The following PINK1 variants were observed in gnomAD, a reference collection of about 807,000 sequenced individuals.
The protein encoded by PINK1 is serine/threonine-protein kinase PINK1, mitochondrial.
In PINK1, 58 loss-of-function variants were observed where a neutral mutation model predicts 56.0. The ratio of observed to expected loss-of-function variants is 1.04; its 90% confidence interval spans 0.84 to 1.29. The LOEUF (loss-of-function observed/expected upper bound fraction) is 1.29. PINK1 is among the 50% of genes most tolerant of loss of function. The pLI, the probability that PINK1 is intolerant of heterozygous loss-of-function variation, is 0.00. For synonymous variants in PINK1, 354 were observed against 339.3 expected (o/e 1.04, Z -0.48); for missense variants, 745 against 777.9 (o/e 0.96, Z 0.50).
At position 20,633,940 on chromosome 1, in the gene PINK1, G is replaced by A; in HGVS notation, c.387+5G>A. ...TCGGCCTGTCAGGAGATCCAGGTGA[G>A]CGGGGCCGGGTCCTAAGCCGAGCGG... On this transcript the variant is annotated splice_donor_5th_base_variant and intron_variant, in intron 1 of 7. Coordinates refer to ENST00000321556, the MANE Select transcript of PINK1 (RefSeq NM_032409.3). 1 of 1,583,032 alleles carries A rather than the reference G, an allele frequency of 6.3e-7. No individual in the cohort carries two copies. The highest frequency in any genetic ancestry group is 1.1e-5 in the South Asian group (1 of 87,398).
At position 20,634,361 on chromosome 1, in the gene PINK1, G is replaced by C. The variant is rs1203620476; in HGVS notation, c.387+426G>C. On this transcript the variant is annotated intron_variant, in intron 1 of 7. Coordinates refer to ENST00000321556, the MANE Select transcript of PINK1 (RefSeq NM_032409.3). Reference sequence around the variant, plus strand: ...AAAATGCAGTGCCCTTAACCACTGAGCCAGGCTGCCTCCGCCGTTTAACCA... The same window carrying C: ...AAAATGCAGTGCCCTTAACCACTGACCCAGGCTGCCTCCGCCGTTTAACCA... 1.3e-4 allele frequency among the ~76,000 whole-genome samples: 20 copies of C among 152,210 alleles called. 1 individual carries two copies. The highest frequency in any genetic ancestry group is 1.5e-5 in the Non-Finnish European group (1 of 68,038).
At chr1:20,645,980 G>C (rs890917970) in intron 5 of PINK1, among the ~76,000 whole-genome samples, 7 of 152,032 alleles carry the variant, frequency 4.6e-5, no homozygotes, top group African/African-American at 1.7e-4. Flanking sequence ...AGTTTTCCTA[G>C]GTAAATAAAG....
Position 20,633,615 on chromosome 1 carries a change from G to A in PINK1, c.67G>A (p.Gly23Ser), listed in dbSNP as rs551542832. 306 of 1,290,110 alleles carry A rather than the reference G, an allele frequency of 2.4e-4. 1 individual carries two copies. In the African/African-American group the frequency reaches 4.2e-3, roughly 18 times the overall value. The allele number at this position is 1,290,110 out of a possible 1,614,324, so 79.9% of individuals were successfully genotyped here. Residue 23 changes from glycine to serine, a missense_variant, in exon 1 of 8, where the codon GGC becomes AGC. Gly to Ser is a moderately conservative substitution (Grantham distance 56, BLOSUM62 0). Coordinates refer to ENST00000321556, the MANE Select transcript of PINK1 (RefSeq NM_032409.3). ...LGRALLLRFT[G>S]KPGRAYGLGR... is the part of the protein sequence containing the mutation. ...TCGAGCGCTGCTGCTGCGCTTCACG[G>A]GCAAGCCCGGCCGGGCCTACGGCTT...
intron 3 of PINK1, 61 bp from the exon 4 acceptor site, chr1:20,644,429 A>C: frequency 6.5e-7 from 1 of 1,547,214 alleles, no homozygotes; most frequent in Non-Finnish European, 8.9e-7. Flanking sequence ...GCCTTAGGTT[A>C]TTCTTTCCAG....
rs1044472335 is a variant in PINK1 at position 20,639,685 on chromosome 1, T to A, written c.676-207T>A. On this transcript the variant is annotated intron_variant, in intron 2 of 7. Transcript: ENST00000321556. ...GCAAGAGTTTGAGGAGTGTGAAGAA[T>A]CCTCTGAGTTGGCATGGATGGTACC... 3.3e-5 allele frequency: 21 copies of A among 638,774 alleles called. No individual in the cohort carries two copies. In the African/African-American group the frequency reaches 3.6e-4, roughly 11 times the overall value. 39.6% of individuals were successfully genotyped at this position (638,774 alleles called of 1,614,324 possible). A position where few individuals can be genotyped will look rare whatever the true frequency, so the allele number is the denominator to read the frequency against.
In PINK1 at chr1:20,633,477, T is replaced by C. The variant is rs1305189474; in HGVS notation, c.-72T>C. 18 of 1,068,998 alleles carry C rather than the reference T, an allele frequency of 1.7e-5. No homozygotes were observed. The highest frequency in any genetic ancestry group is 6.4e-5 in the East Asian group (1 of 15,688). The allele number at this position is 1,068,998 out of a possible 1,614,324, so 66.2% of individuals were successfully genotyped here. On this transcript the variant is annotated 5_prime_UTR_variant, in exon 1 of 8. Coordinates refer to ENST00000321556, the MANE Select transcript of PINK1 (RefSeq NM_032409.3). Reference sequence around the variant, plus strand: ...CTGCGCAGAGGCACCGCCCCAAGTTTGTTGTGACCGGCGGGGGACGCCGGT... The same window carrying C: ...CTGCGCAGAGGCACCGCCCCAAGTTCGTTGTGACCGGCGGGGGACGCCGGT...
chr1:20,641,262 G>C lies in PINK1; in HGVS notation c.776+1270G>C, dbSNP rs2053113202. Among the ~76,000 whole-genome samples the C allele has an allele frequency of 6.6e-6, 1 of 152,160 alleles. No individual in the cohort carries two copies. Among genetic ancestry groups the C allele is most frequent in the Non-Finnish European group, 1.5e-5 (1 of 68,024 alleles). On this transcript the variant is annotated intron_variant, in intron 3 of 7. Coordinates refer to ENST00000321556, the MANE Select transcript of PINK1 (RefSeq NM_032409.3). The surrounding 1 kb of genome is among the most constrained non-coding windows in gnomAD (Gnocchi z 4.0). ...TGCTCAAGTGGCTGCTGCTTCTCCT[G>C]AGGCCTTTTTGGAGAAAGTGGACAC... is the stretch of plus-strand genomic sequence containing the variant.
At chr1:20,650,196 G>A in intron 7 of PINK1, 1 of 589,828 alleles carries the variant, frequency 1.7e-6, no homozygotes, top group African/African-American at 1.9e-5. Flanking sequence ...CCACCCAGGG[G>A]GAAAGGCTAT....
Position 20,650,927 on chromosome 1 carries a change from G to T in PINK1, c.*236G>T. 1.7e-6 allele frequency: 1 copy of T among 576,374 alleles called. No homozygotes were observed. Among genetic ancestry groups the T allele is most frequent in the Non-Finnish European group, 3.1e-6 (1 of 323,976 alleles). The allele number at this position is 576,374 out of a possible 1,614,324, so 35.7% of individuals were successfully genotyped here. A position where few individuals can be genotyped will look rare whatever the true frequency, so the allele number is the denominator to read the frequency against. ...CAAGCTGGTCTAGTAGATGAGGCTG[G>T]ACTGAGGAGGGGTAGGCCTGCATCC... On this transcript the variant is annotated 3_prime_UTR_variant, in exon 8 of 8. Coordinates refer to ENST00000321556, the MANE Select transcript of PINK1 (RefSeq NM_032409.3).
intron 4 of PINK1, 96 bp downstream of exon 4, chr1:20,644,768 G>C (rs2053157901): frequency 6.8e-7 from 1 of 1,469,014 alleles, no homozygotes; most frequent in East Asian, 2.4e-5. Flanking sequence ...GGGGGTTTTG[G>C]AGAACAGGGT....
chr1:20,636,540 C>T (rs997803897), intron 1 of PINK1, among the ~76,000 whole-genome samples: 6 of 152,106 alleles, frequency 3.9e-5, no homozygotes, highest in African/African-American at 1.4e-4. Context: ...GACGGGGTTT[C>T]ACTATGTTGG....
At chr1:20,647,053 A>ATTTTTTTTTTT (rs71585775) in intron 5 of PINK1, among the ~76,000 whole-genome samples, 6 of 91,434 alleles carry the variant, frequency 6.6e-5, no homozygotes, top group African/African-American at 8.5e-5. Flanking sequence ...CTAATTTTTG[A>ATTTTTTTTTTT]TTTTTTTTTT....
intron 1 of PINK1, among the ~76,000 whole-genome samples, chr1:20,636,877 A>G (rs960931416): frequency 7.2e-5 from 11 of 152,180 alleles, no homozygotes; most frequent in Non-Finnish European, 1.5e-4. Context: ...TTTCAGAGGG[A>G]GGCGTCCAAA....
rs1247061281 is a variant in PINK1 at position 20,639,972 on chromosome 1, G to A, written c.756G>A (p.Glu252=). Residue 252 remains glutamate (E), a synonymous_variant, in exon 3 of 8, where the codon GAG becomes GAA. Coordinates refer to ENST00000321556, the MANE Select transcript of PINK1 (RefSeq NM_032409.3). ...CGAGCCGAGTGGCCTTGGCTGGGGA[G>A]TATGGAGCAGTCACTTACAGGTAAG... The part of the protein sequence containing the change: ...VPASRVALAG[E]YGAVTYRKSK... The A allele has an allele frequency of 3.7e-6, 6 of 1,609,966 alleles. No homozygotes were observed. The highest frequency in any genetic ancestry group is 5.1e-6 in the Non-Finnish European group (6 of 1,178,398).
In PINK1 at chr1:20,650,801, G is replaced by A; in HGVS notation, c.*110G>A. ...CAGGAGACAAGACAGCGCAGAGAGG[G>A]CTGGTTAGCCGGAAAAGGCCTCGGG... On this transcript the variant is annotated 3_prime_UTR_variant, in exon 8 of 8. Coordinates refer to ENST00000321556, the MANE Select transcript of PINK1 (RefSeq NM_032409.3). The A allele has an allele frequency of 1.4e-6, 2 of 1,461,868 alleles. No individual in the cohort carries two copies. Among genetic ancestry groups the A allele is most frequent in the South Asian group, 2.4e-5 (2 of 82,612 alleles). 90.6% of individuals were successfully genotyped at this position (1,461,868 alleles called of 1,614,324 possible).
chr1:20,633,975 C>A, intron 1 of PINK1, 40 bp downstream of exon 1: 1 of 1,528,738 alleles, frequency 6.5e-7, no homozygotes, highest in Admixed American at 1.9e-5. Context: ...GAGGACGGAG[C>A]TAAGCGCGGG....
chr1:20,643,125 G>C (rs2053134872), intron 3 of PINK1: 1 of 152,310 alleles, frequency 6.6e-6, no homozygotes, highest in Admixed American at 6.5e-5. Flanking sequence ...CAGACTGGCA[G>C]ATTTCTTCAC....
At chr1:20,638,457 C>T in intron 2 of PINK1, 2 of 335,488 alleles carry the variant, frequency 6.0e-6, no homozygotes, top group Non-Finnish European at 1.1e-5. Context: ...ATGATGAAAC[C>T]CCATCTCTAT....
At chr1:20,636,005 A>T (rs921026240) in intron 1 of PINK1, among the ~76,000 whole-genome samples, 40 of 152,140 alleles carry the variant, frequency 2.6e-4, no homozygotes, top group African/African-American at 9.6e-4. Context: ...TGTTCCCACA[A>T]AATATTAAAA....
Sources: allele counts gnomAD v4.1 joint callset (sites outside exome capture counted in the v4.1 genomes callset), GRCh38; gene constraint gnomAD v4.1.1; non-coding constraint Gnocchi (gnomAD v3.1); transcripts MANE v1.5; gene names NCBI Gene and HGNC (gene_info 2026-07-23, HGNC 2026-07-21).